PPARGC1A: variants seen among roughly 807,000 people sequenced by gnomAD.
The protein encoded by PPARGC1A is peroxisome proliferator-activated receptor gamma coactivator 1-alpha.
PPARGC1A carries 25 observed loss-of-function variants against 88.7 expected under a neutral mutation model. That is an observed-to-expected ratio of 0.28 (90% CI 0.21 to 0.39). The LOEUF is 0.39. Ranked by LOEUF, PPARGC1A falls within the 10% of genes least tolerant of loss-of-function variation. The pLI is 1.00. For missense variants in PPARGC1A, 880 were observed against 968.7 expected (o/e 0.91, Z 1.22); for synonymous variants, 363 against 355.6 (o/e 1.02, Z -0.24).
chr4:24,279,622 C>T, the PPARGC1A span, among the ~76,000 whole-genome samples: 2 of 152,148 alleles, frequency 1.3e-5, no homozygotes, highest in African/African-American at 2.4e-5. Context: ...TTGATTCACA[C>T]ATGGTCTTCT....
At chr4:23,895,478 C>T (rs907690085) in intron 1 of PPARGC1A, among the ~76,000 whole-genome samples, 30 of 151,666 alleles carry the variant, frequency 2.0e-4, no homozygotes, top group African/African-American at 6.5e-4. Flanking sequence ...CCAAACATGT[C>T]GGAGAGGTAG....
chr4:24,112,304 T>C, the PPARGC1A span, among the ~76,000 whole-genome samples: 5 of 152,348 alleles, frequency 3.3e-5, no homozygotes, highest in Non-Finnish European at 5.9e-5. Flanking sequence ...CAGATAGTTA[T>C]TGCAGTGTGG....
At chr4:24,467,422 T>C in the PPARGC1A span, among the ~76,000 whole-genome samples, 2 of 152,238 alleles carry the variant, frequency 1.3e-5, no homozygotes, top group African/African-American at 4.8e-5. Context: ...CCAGTTGATA[T>C]TTTTTGAACT....
the PPARGC1A span, among the ~76,000 whole-genome samples, chr4:24,218,295 G>A: frequency 6.6e-6 from 1 of 152,300 alleles, no homozygotes; most frequent in South Asian, 2.1e-4. Flanking sequence ...AAAAGAGCTA[G>A]GCAAGACTCT....
At chr4:23,808,926 A>G (rs1720368842) in intron 10 of PPARGC1A, among the ~76,000 whole-genome samples, 1 of 152,198 alleles carries the variant, frequency 6.6e-6, no homozygotes, top group African/African-American at 2.4e-5. Context: ...ATTTTGTAAA[A>G]TAACAATTAT....
At chr4:24,123,428 G>T in the PPARGC1A span, among the ~76,000 whole-genome samples, 1 of 152,116 alleles carries the variant, frequency 6.6e-6, no homozygotes. Flanking sequence ...TTGCATCTTG[G>T]AAGGTTTCAC....
the PPARGC1A span, among the ~76,000 whole-genome samples, chr4:24,063,902 G>A: frequency 1.3e-4 from 20 of 152,180 alleles, no homozygotes; most frequent in South Asian, 2.3e-3. Flanking sequence ...ACTTCATAAC[G>A]CTGATATGGA....
At chr4:23,813,392 C>T (rs1203705513) in intron 8 of PPARGC1A, among the ~76,000 whole-genome samples, 2 of 152,154 alleles carry the variant, frequency 1.3e-5, no homozygotes, top group Non-Finnish European at 2.9e-5. Context: ...CATGGATCTC[C>T]ACTATCCTGG....
chr4:23,987,118 C>T, the PPARGC1A span, among the ~76,000 whole-genome samples: 9 of 151,926 alleles, frequency 5.9e-5, no homozygotes, highest in Non-Finnish European at 1.2e-4. Context: ...TGGAAATTTC[C>T]TTATAGTAGT....
At chr4:24,347,278 G>T in the PPARGC1A span, among the ~76,000 whole-genome samples, 2 of 148,310 alleles carry the variant, frequency 1.3e-5, no homozygotes, top group African/African-American at 4.9e-5. Flanking sequence ...ATCTGTGAAG[G>T]CCATTTGTTC....
chr4:23,906,045 C>T (rs948017325), upstream of PPARGC1A, among the ~76,000 whole-genome samples: 24 of 152,134 alleles, frequency 1.6e-4, no homozygotes, highest in African/African-American at 5.6e-4. Context: ...ACACATGGCA[C>T]CCTGCTCTGA....
chr4:23,983,025 T>C, the PPARGC1A span, among the ~76,000 whole-genome samples: 3 of 152,126 alleles, frequency 2.0e-5, no homozygotes, highest in South Asian at 2.1e-4. Flanking sequence ...CGCTGGATCA[T>C]TGCAACAGAA....
chr4:24,096,494 C>T, the PPARGC1A span, among the ~76,000 whole-genome samples: 1 of 152,176 alleles, frequency 6.6e-6, no homozygotes, highest in African/African-American at 2.4e-5. Flanking sequence ...CTTTGTAGTA[C>T]TTTGTTACCA....
the PPARGC1A span, among the ~76,000 whole-genome samples, chr4:23,963,860 A>C: frequency 6.6e-6 from 1 of 152,160 alleles, no homozygotes; most frequent in Non-Finnish European, 1.5e-5. Context: ...GTAAGGAAGG[A>C]TCGGCCAGGG....
chr4:24,307,414 A>G, the PPARGC1A span, among the ~76,000 whole-genome samples: 1 of 152,206 alleles, frequency 6.6e-6, no homozygotes, highest in African/African-American at 2.4e-5. Context: ...TTATAAAGAG[A>G]AAAACACACT....
At chr4:24,068,256 G>C in the PPARGC1A span, among the ~76,000 whole-genome samples, 1 of 152,258 alleles carries the variant, frequency 6.6e-6, no homozygotes, top group Non-Finnish European at 1.5e-5. Context: ...GCTTTTAAGA[G>C]AGGAGAGGAA....
intron 2 of PPARGC1A, chr4:23,875,819 T>C (rs1413284437): frequency 6.6e-6 from 1 of 152,224 alleles, no homozygotes; most frequent in African/African-American, 2.4e-5. Flanking sequence ...TAGAAGATGT[T>C]TTGTGTGCTT....
the PPARGC1A span, among the ~76,000 whole-genome samples, chr4:24,274,032 C>T: frequency 4.1e-4 from 63 of 151,848 alleles, no homozygotes; most frequent in Middle Eastern, 0.01. Context: ...AGCCACCGTG[C>T]CTGGCCGGGG....
At chr4:24,399,008 G>A in the PPARGC1A span, among the ~76,000 whole-genome samples, 8 of 152,144 alleles carry the variant, frequency 5.3e-5, no homozygotes, top group African/African-American at 9.7e-5. Context: ...CTTTTTTATA[G>A]AGAATGTAGC....
Sources: allele counts gnomAD v4.1 joint callset (sites outside exome capture counted in the v4.1 genomes callset), GRCh38; gene constraint gnomAD v4.1.1; transcripts MANE v1.5; gene names NCBI Gene and HGNC (gene_info 2026-07-23, HGNC 2026-07-21).